Variants in SV2B observed in about 807,000 individuals in gnomAD.
The protein encoded by SV2B is solute carrier family 22 member B2.
In SV2B, 41 loss-of-function variants were observed where a neutral mutation model predicts 73.9. That is an observed-to-expected ratio of 0.56 (90% CI 0.43 to 0.72). SV2B has a LOEUF of 0.72. SV2B is among the 30% of genes least tolerant of loss of function. The probability of loss-of-function intolerance (pLI) is 0.00; values close to 1 mark genes in which losing one functional copy is unlikely to be tolerated. For synonymous variants in SV2B, 314 were observed against 314.2 expected, an observed-to-expected ratio of 1.00 and a Z score of 0.01; for missense variants, 764 against 857.8, an observed-to-expected ratio of 0.89 and a Z score of 1.37.
chr15:91,279,814 C>T (rs1259280944), intron 9 of SV2B, among the ~76,000 whole-genome samples: 5 of 152,196 alleles, frequency 3.3e-5, no homozygotes, highest in South Asian at 2.1e-4. Context: ...TAAGTAAACA[C>T]GTCTAGCTTA....
chr15:91,184,199 C>A (rs1355083815), intron 1 of SV2B, among the ~76,000 whole-genome samples: 1 of 152,170 alleles, frequency 6.6e-6, no homozygotes, highest in South Asian at 2.1e-4. Flanking sequence ...AAAACCCTTG[C>A]AGCATAAAAG....
rs547415780 is a variant in SV2B, at chr15:91,214,755, A to G, written c.-391-11118A>G. ...GCTTCCTTCCCCATTCCACTGGCTC[A>G]CTTATTTAAGTGTTCCCCAAACAGT... On this transcript the variant is annotated intron_variant, in intron 1 of 12. Coordinates refer to ENST00000394232, the MANE Select transcript of SV2B (RefSeq NM_001323032.3). The surrounding 1 kb of genome is among the most constrained non-coding windows in gnomAD (Gnocchi z 4.7). 2.0e-5 allele frequency among the ~76,000 whole-genome samples: 3 copies of G among 152,164 alleles called. No homozygotes were observed. The highest frequency in any genetic ancestry group is 4.4e-5 in the Non-Finnish European group (3 of 68,022).
rs1464318024 is a variant in SV2B, at chr15:91,293,035, A to G, written c.*483A>G. ...AGTATATATTTTTGCATTTAAAAGT[A>G]TCACCTATCATATTTTCCACTCGAA... On this transcript the variant is annotated 3_prime_UTR_variant, in exon 13 of 13. Transcript: ENST00000394232. 20 of 152,730 alleles carry G rather than the reference A, an allele frequency of 1.3e-4. No individual in the cohort carries two copies. Among genetic ancestry groups the G allele is most frequent in the Admixed American group, 1.3e-3 (20 of 15,318 alleles). The allele number at this position is 152,730 out of a possible 1,614,324, so 9.5% of individuals were successfully genotyped here. A position where few individuals can be genotyped will look rare whatever the true frequency, so the allele number is the denominator to read the frequency against.
chr15:91,196,313 A>C (rs1213366368), intron 1 of SV2B, among the ~76,000 whole-genome samples: 1 of 152,268 alleles, frequency 6.6e-6, no homozygotes, highest in Admixed American at 6.5e-5. Flanking sequence ...CACAATTAAA[A>C]TAAGATGCTG....
chr15:91,183,361 T>C (rs1273061623), intron 1 of SV2B, among the ~76,000 whole-genome samples: 2 of 152,254 alleles, frequency 1.3e-5, no homozygotes, highest in African/African-American at 4.8e-5. Flanking sequence ...AGAATCAAAA[T>C]GATTGACCAA....
At chr15:91,206,332 G>A (rs916264663) in intron 1 of SV2B, among the ~76,000 whole-genome samples, 7 of 150,270 alleles carry the variant, frequency 4.7e-5, no homozygotes, top group Admixed American at 2.7e-4. Flanking sequence ...GTGAGCCACC[G>A]TGCCCAGCCG....
In SV2B at chr15:91,267,707, AG is replaced by A; in HGVS notation, c.1208+66del. 7.8e-7 allele frequency: 1 copy of A among 1,288,320 alleles called. No individual in the cohort carries two copies. 79.8% of individuals were successfully genotyped at this position (1,288,320 alleles called of 1,614,324 possible). The stretch of plus-strand genomic sequence containing the variant: ...CCTCAGTGGCCTCCTTTACACATTG[AG>A]GATTACAGTGAGTTCTGACTTAGAA... On this transcript the variant is annotated intron_variant, in intron 8 of 12. Coordinates refer to ENST00000394232, the MANE Select transcript of SV2B (RefSeq NM_001323032.3). The surrounding 1 kb of genome is among the most constrained non-coding windows in gnomAD (Gnocchi z 4.3).
chr15:91,292,895 A>T lies in SV2B; in HGVS notation c.*343A>T, dbSNP rs545024012. 3 of 175,164 alleles carry T rather than the reference A, an allele frequency of 1.7e-5. No homozygotes were observed. Among genetic ancestry groups the T allele is most frequent in the Non-Finnish European group, 1.2e-5 (1 of 83,712 alleles). The allele number at this position is 175,164 out of a possible 1,614,324, so 10.9% of individuals were successfully genotyped here. ...TGCAAGGACTTAACTTGCGTTTGAA[A>T]AGGAATTAGAGGGTCAGAAACACCC... On this transcript the variant is annotated 3_prime_UTR_variant, in exon 13 of 13. Coordinates refer to ENST00000394232, the MANE Select transcript of SV2B (RefSeq NM_001323032.3).
At chr15:91,192,681 C>T (rs1423995029) in intron 1 of SV2B, among the ~76,000 whole-genome samples, 1 of 152,172 alleles carries the variant, frequency 6.6e-6, no homozygotes, top group Admixed American at 6.5e-5. Flanking sequence ...AAGGGGAAGG[C>T]AGGTGACATT....
At position 91,262,051 on chromosome 15, in the gene SV2B, C is replaced by T. The variant is rs562670686; in HGVS notation, c.1008+1642C>T. On this transcript the variant is annotated intron_variant, in intron 6 of 12. Coordinates refer to ENST00000394232, the MANE Select transcript of SV2B (RefSeq NM_001323032.3). ...CAAGTAAACCATTTACCCTTGTTAA[C>T]CTGTTGCTTCAAACGTCTGCTTTTC... is the stretch of plus-strand genomic sequence containing the variant. Among the ~76,000 whole-genome samples, 4 of 152,280 alleles carry T rather than the reference C, an allele frequency of 2.6e-5. No individual in the cohort carries two copies. In the East Asian group the frequency reaches 5.8e-4, roughly 22 times the overall value.
chr15:91,189,985 C>T (rs1420225095), intron 1 of SV2B, among the ~76,000 whole-genome samples: 1 of 149,232 alleles, frequency 6.7e-6, no homozygotes, highest in African/African-American at 2.5e-5. Flanking sequence ...GAGACGCCAT[C>T]TCAAAAAAAA....
chr15:91,160,167 C>T (rs1567301988), intron 1 of SV2B, among the ~76,000 whole-genome samples: 1 of 152,072 alleles, frequency 6.6e-6, no homozygotes, highest in African/African-American at 2.4e-5. Context: ...TAATATAATT[C>T]TGATAAGAAT....
In SV2B at chr15:91,115,085, T is replaced by G. The variant is rs1036335879; in HGVS notation, c.-392+14722T>G. Among the ~76,000 whole-genome samples, 1 of 152,138 alleles carries G rather than the reference T, an allele frequency of 6.6e-6. No homozygotes were observed. The highest frequency in any genetic ancestry group is 2.4e-5 in the African/African-American group (1 of 41,422). On this transcript the variant is annotated intron_variant, in intron 1 of 12. Transcript: ENST00000394232. This position sits in a 1 kb window ranked among gnomAD's most constrained non-coding sequence, Gnocchi z 4.3. ...GTTTCTTAAAGGAACACTGGAGAGT[T>G]GTTACTGAAAGAAGGGGACATAGGT...
At chr15:91,145,225 A>G (rs2043113262) in intron 1 of SV2B, among the ~76,000 whole-genome samples, 1 of 152,168 alleles carries the variant, frequency 6.6e-6, no homozygotes, top group African/African-American at 2.4e-5. Flanking sequence ...CTCACTTATA[A>G]GTGAGAATAT....
chr15:91,285,198 A>T (rs1174692554), intron 11 of SV2B, among the ~76,000 whole-genome samples: 2 of 152,186 alleles, frequency 1.3e-5, no homozygotes, highest in African/African-American at 4.8e-5. Context: ...ACTGAATATC[A>T]CTATTATAAA....
intron 9 of SV2B, among the ~76,000 whole-genome samples, chr15:91,276,536 AT>A (rs1034198285): frequency 6.6e-6 from 1 of 151,562 alleles, no homozygotes; most frequent in Non-Finnish European, 1.5e-5. Flanking sequence ...TTTTGGTAAT[AT>A]TTTTTGAGTT....
chr15:91,249,758 A>G (rs1433714060), intron 2 of SV2B, among the ~76,000 whole-genome samples: 1 of 152,248 alleles, frequency 6.6e-6, no homozygotes, highest in Non-Finnish European at 1.5e-5. Context: ...CAGTTGTGTA[A>G]TCTGGAAGAA....
intron 1 of SV2B, among the ~76,000 whole-genome samples, chr15:91,158,702 T>TTCTCTTCTCTTC (rs2043592627): frequency 1.7e-5 from 1 of 59,570 alleles, no homozygotes; most frequent in Non-Finnish European, 4.1e-5. Flanking sequence ...TTCTCTTCTC[T>TTCTCTTCTCTTC]CCTCTCCTCT....
At chr15:91,217,540 T>A (rs1396902952) in intron 1 of SV2B, among the ~76,000 whole-genome samples, 3 of 152,132 alleles carry the variant, frequency 2.0e-5, no homozygotes, top group Admixed American at 1.3e-4. Context: ...GTTGTGCACA[T>A]GTACCCTAGA....
Sources: allele counts gnomAD v4.1 joint callset (sites outside exome capture counted in the v4.1 genomes callset), GRCh38; gene constraint gnomAD v4.1.1; non-coding constraint Gnocchi (gnomAD v3.1); transcripts MANE v1.5; gene names NCBI Gene and HGNC (gene_info 2026-07-23, HGNC 2026-07-21).